Variants in ACOXL observed in about 807,000 individuals in gnomAD.
The protein encoded by ACOXL is acyl-coenzyme A oxidase-like protein.
In ACOXL, 70 loss-of-function variants were observed where a neutral mutation model predicts 71.9. The observed-to-expected ratio is 0.97, with a 90% confidence interval of 0.80 to 1.19. The LOEUF (loss-of-function observed/expected upper bound fraction) is 1.19, where lower values mean the gene tolerates loss of function less well. Ranked by LOEUF, ACOXL falls within the 50% of genes most tolerant of loss-of-function variation. ACOXL has a pLI of 0.00. For synonymous variants in ACOXL, 253 were observed against 281.6 expected (o/e 0.90, Z 1.02); for missense variants, 703 against 736.3 (o/e 0.95, Z 0.52).
At chr2:110,903,014 G>A (rs1213346892) in intron 10 of ACOXL, among the ~76,000 whole-genome samples, 1 of 152,226 alleles carries the variant, frequency 6.6e-6, no homozygotes, top group Non-Finnish European at 1.5e-5. Context: ...CGGTGGAGGA[G>A]GTTTTGTTCC....
chr2:111,059,924 A>G (rs11690750), intron 16 of ACOXL, among the ~76,000 whole-genome samples: 9,129 of 151,898 alleles, frequency 0.06, 373 homozygotes, highest in Middle Eastern at 0.13. Context: ...AGAGTAGGAG[A>G]AAGAGAAGAA....
chr2:110,855,056 A>C (rs998826434), intron 10 of ACOXL, among the ~76,000 whole-genome samples: 1 of 152,226 alleles, frequency 6.6e-6, no homozygotes, highest in African/African-American at 2.4e-5. Flanking sequence ...TTCTGTGATG[A>C]GTGTAGGTAG....
chr2:110,759,984 A>T (rs1680177117), intron 1 of ACOXL, among the ~76,000 whole-genome samples: 1 of 151,736 alleles, frequency 6.6e-6, no homozygotes, highest in African/African-American at 2.4e-5. Flanking sequence ...CTTTTCCTTC[A>T]TGTATTTTCT....
intron 12 of ACOXL, among the ~76,000 whole-genome samples, chr2:110,984,089 A>G (rs2062830192): frequency 6.6e-6 from 1 of 152,020 alleles, no homozygotes; most frequent in African/African-American, 2.4e-5. Context: ...CAGGTGATCC[A>G]CCCACGTTGG....
chr2:111,092,811 G>GT, intron 16 of ACOXL, 54 bp from the exon 17 acceptor site: 4 of 1,266,866 alleles, frequency 3.2e-6, no homozygotes, highest in Non-Finnish European at 4.6e-6. Context: ...TAGATTTTGT[G>GT]TTTTCTAATA....
intron 9 of ACOXL, among the ~76,000 whole-genome samples, chr2:110,808,882 G>A (rs1283597724): frequency 6.6e-6 from 1 of 152,192 alleles, no homozygotes; most frequent in Non-Finnish European, 1.5e-5. Flanking sequence ...AAAGCTCCAC[G>A]CAGCTGGGGC....
At chr2:111,020,680 G>A (rs2064709545) in intron 14 of ACOXL, among the ~76,000 whole-genome samples, 2 of 152,220 alleles carry the variant, frequency 1.3e-5, no homozygotes, top group Non-Finnish European at 2.9e-5. Context: ...TTTTGCTGCT[G>A]TGAACAAGAC....
chr2:110,811,317 G>C (rs1687288017), intron 9 of ACOXL, among the ~76,000 whole-genome samples: 1 of 152,142 alleles, frequency 6.6e-6, no homozygotes, highest in Non-Finnish European at 1.5e-5. Context: ...TTGCACGGTG[G>C]GGGGTCAGTG....
At chr2:110,893,520 A>T (rs2058878581) in intron 10 of ACOXL, among the ~76,000 whole-genome samples, 1 of 152,176 alleles carries the variant, frequency 6.6e-6, no homozygotes. Context: ...AAATTGATAT[A>T]ATCTTTCTGG....
intron 1 of ACOXL, among the ~76,000 whole-genome samples, chr2:110,754,233 T>A (rs1679379063): frequency 6.6e-6 from 1 of 151,888 alleles, no homozygotes; most frequent in East Asian, 1.9e-4. Context: ...CTACCATACC[T>A]GGGCCATTTT....
In ACOXL at chr2:110,799,108, C is replaced by T; in HGVS notation, c.547+8C>T. On this transcript the variant is annotated splice_region_variant and intron_variant, in intron 7 of 17. Coordinates refer to ENST00000439055, the MANE Select transcript of ACOXL (RefSeq NM_001142807.4). ...ATATGATGTACAAGGAGGGTGAGTC[C>T]CCAGGTGCCCTTTTCCTGTGCTCAC... The T allele has an allele frequency of 6.2e-7, 1 of 1,613,148 alleles. No homozygotes were observed. The highest frequency in any genetic ancestry group is 8.5e-7 in the Non-Finnish European group (1 of 1,179,350).
In ACOXL at chr2:110,793,681, CTA is replaced by C; in HGVS notation, c.193_194del (p.Ile65GlnfsTer7). ...ATAATTTATTGGCTATTTGGTGGTG[CTA>C]TCAGGAATCTCGGAAGCCCTGAACA... On this transcript the variant is annotated frameshift_variant, in exon 4 of 18. Transcript: ENST00000439055. LOFTEE classifies it high-confidence loss of function. The C allele has an allele frequency of 6.2e-7, 1 of 1,614,068 alleles. No individual in the cohort carries two copies. The highest frequency in any genetic ancestry group is 8.5e-7 in the Non-Finnish European group (1 of 1,180,016).
chr2:111,009,739 C>T (rs2064055422), intron 14 of ACOXL, among the ~76,000 whole-genome samples: 1 of 152,074 alleles, frequency 6.6e-6, no homozygotes, highest in African/African-American at 2.4e-5. Flanking sequence ...AAGAGCAGAA[C>T]AGAGAACTCA....
rs1222115185 is a variant in ACOXL at position 110,760,143 on chromosome 2, C to CT, written c.-22-8211dup. Among the ~76,000 whole-genome samples, 180 of 138,110 alleles carry CT rather than the reference C, an allele frequency of 1.3e-3. 2 individuals carry two copies. Among genetic ancestry groups the CT allele is most frequent in the East Asian group, 6.6e-3 (32 of 4,814 alleles). 90.6% of individuals were successfully genotyped at this position (138,110 alleles called of 152,430 possible). A position where few individuals can be genotyped will look rare whatever the true frequency, so the allele number is the denominator to read the frequency against. On this transcript the variant is annotated intron_variant, in intron 1 of 17. Transcript: ENST00000439055. The stretch of plus-strand genomic sequence containing the variant: ...TTATAGCTAGTTAAATTTTTCTTTT[C>CT]TTTTTTTTTTTTTTGAGATGGAGTC...
chr2:111,027,309 T>C (rs1021911150), intron 14 of ACOXL, among the ~76,000 whole-genome samples: 5 of 149,044 alleles, frequency 3.4e-5, no homozygotes, highest in Non-Finnish European at 7.4e-5. Context: ...ATTCTGTTGA[T>C]TTAAAGAAAA....
chr2:110,763,110 A>G (rs1680614322), intron 1 of ACOXL, among the ~76,000 whole-genome samples: 1 of 152,220 alleles, frequency 6.6e-6, no homozygotes, highest in African/African-American at 2.4e-5. Context: ...TGGAGAGGAA[A>G]CTTAATGTTG....
At chr2:110,750,415 C>G (rs1678773779) in intron 1 of ACOXL, among the ~76,000 whole-genome samples, 1 of 151,946 alleles carries the variant, frequency 6.6e-6, no homozygotes, top group Non-Finnish European at 1.5e-5. Flanking sequence ...TTTCCCTGCC[C>G]CTGTCCTAGA....
intron 12 of ACOXL, among the ~76,000 whole-genome samples, chr2:110,955,429 CCTCTCT>C (rs71383893): frequency 1.3e-3 from 187 of 140,718 alleles, no homozygotes; most frequent in East Asian, 6.4e-3. Context: ...AGTCCACCTC[CCTCTCT>C]CTCTCTCTCT....
intron 12 of ACOXL, among the ~76,000 whole-genome samples, chr2:110,946,567 A>G (rs958145421): frequency 5.9e-5 from 9 of 152,238 alleles, no homozygotes; most frequent in African/African-American, 2.2e-4. Flanking sequence ...CCATTTTGCC[A>G]TATGAAAATT....
Sources: allele counts gnomAD v4.1 joint callset (sites outside exome capture counted in the v4.1 genomes callset), GRCh38; gene constraint gnomAD v4.1.1; transcripts MANE v1.5; gene names NCBI Gene and HGNC (gene_info 2026-07-23, HGNC 2026-07-21).